Variants in PHACTR1 observed in about 807,000 individuals in gnomAD.
PHACTR1 encodes RPEL repeat containing 1.
In PHACTR1, 16 loss-of-function variants were observed where a neutral mutation model predicts 69.2. That is an observed-to-expected ratio of 0.23 (90% confidence interval 0.16 to 0.35). The LOEUF is 0.35. Among genes scored for constraint, PHACTR1 ranks in the 10% least tolerant of loss-of-function variants. The pLI is 1.00. For synonymous variants in PHACTR1, 312 were observed against 284.5 expected, an observed-to-expected ratio of 1.10 and a Z score of -0.97; for missense variants, 510 against 734.7, an observed-to-expected ratio of 0.69 and a Z score of 3.54.
At chr6:12,741,015 T>C (rs1764962119) in intron 3 of PHACTR1, among the ~76,000 whole-genome samples, 1 of 152,048 alleles carries the variant, frequency 6.6e-6, no homozygotes, top group African/African-American at 2.4e-5. Context: ...CCTGCTTTTA[T>C]CCTTATTAAC....
chr6:12,974,719 G>C (rs1051896221), intron 4 of PHACTR1, among the ~76,000 whole-genome samples: 4 of 152,166 alleles, frequency 2.6e-5, no homozygotes, highest in African/African-American at 2.4e-5. Flanking sequence ...TGGGTCTTGG[G>C]GTTTGGGGTT....
chr6:13,230,190 C>A lies in PHACTR1; in HGVS notation c.1388C>A (p.Thr463Asn). ...AGGCAACAGATTGGCACCAAGCTCA[C>A]CAGGTAGGACAGCGGCACCCTCTGC... ...ELRQQIGTKLTRRLSQRPTAE... is the reference protein window; with the variant it reads ...ELRQQIGTKLNRRLSQRPTAE... Residue 463 changes from threonine (T) to asparagine (N), a missense_variant, in exon 10 of 15, where the codon ACC (threonine) becomes AAC (asparagine). Coordinates refer to ENST00000332995, the MANE Select transcript of PHACTR1 (RefSeq NM_030948.6). 6.2e-7 allele frequency: 1 copy of A among 1,608,122 alleles called. No individual in the cohort carries two copies. Among genetic ancestry groups the A allele is most frequent in the Admixed American group, 1.7e-5 (1 of 59,352 alleles).
At chr6:12,848,122 G>A (rs532519319) in intron 4 of PHACTR1, among the ~76,000 whole-genome samples, 17 of 152,132 alleles carry the variant, frequency 1.1e-4, no homozygotes, top group Admixed American at 2.6e-4. Flanking sequence ...GCCATGCACC[G>A]AGATTTTCAT....
At chr6:13,234,795 G>T (rs1699114112) in intron 10 of PHACTR1, among the ~76,000 whole-genome samples, 1 of 152,184 alleles carries the variant, frequency 6.6e-6, no homozygotes, top group African/African-American at 2.4e-5. Context: ...TTGGAGACGT[G>T]TGGACTGCCC....
chr6:13,169,572 TAGG>T (rs1760298987), intron 6 of PHACTR1, among the ~76,000 whole-genome samples: 1 of 151,842 alleles, frequency 6.6e-6, no homozygotes, highest in Non-Finnish European at 1.5e-5. Flanking sequence ...GGTCAAAAAA[TAGG>T]AGGTCAACCA....
chr6:13,248,518 A>G (rs1040320364), intron 10 of PHACTR1, among the ~76,000 whole-genome samples: 12 of 152,212 alleles, frequency 7.9e-5, no homozygotes, highest in Admixed American at 3.3e-4. Flanking sequence ...CGTCATTTCT[A>G]TAAAATCTTT....
chr6:13,094,549 G>T (rs1340936398), intron 5 of PHACTR1, among the ~76,000 whole-genome samples: 2 of 151,438 alleles, frequency 1.3e-5, no homozygotes, highest in African/African-American at 4.9e-5. Flanking sequence ...TGCCTGCCTC[G>T]GCCTCCCAAA....
chr6:12,894,137 A>G (rs1284451139), intron 4 of PHACTR1, among the ~76,000 whole-genome samples: 2 of 152,256 alleles, frequency 1.3e-5, no homozygotes, highest in African/African-American at 4.8e-5. Context: ...CTTGCAAATC[A>G]TTAACTCATC....
At chr6:13,181,829 T>C (rs1762210902) in intron 6 of PHACTR1, among the ~76,000 whole-genome samples, 3 of 152,328 alleles carry the variant, frequency 2.0e-5, no homozygotes, top group African/African-American at 7.2e-5. Flanking sequence ...CTCCCTAAAG[T>C]AGGAATTCCC....
intron 5 of PHACTR1, among the ~76,000 whole-genome samples, chr6:13,139,340 G>C (rs978981740): frequency 7.9e-5 from 12 of 152,110 alleles, no homozygotes; most frequent in Non-Finnish European, 1.2e-4. Flanking sequence ...GATGAATTGA[G>C]TCATTTCCAC....
intron 4 of PHACTR1, among the ~76,000 whole-genome samples, chr6:13,019,840 G>A (rs1010358069): frequency 6.6e-6 from 1 of 152,094 alleles, no homozygotes; most frequent in East Asian, 1.9e-4. Context: ...CAATTTCTTC[G>A]GTTCACTAAC....
chr6:13,097,190 A>C (rs1213389833), intron 5 of PHACTR1, among the ~76,000 whole-genome samples: 1 of 152,214 alleles, frequency 6.6e-6, no homozygotes, highest in South Asian at 2.1e-4. Context: ...CTGGCATTCT[A>C]ACTAAGGAAT....
At chr6:13,109,978 G>A (rs1193150464) in intron 5 of PHACTR1, among the ~76,000 whole-genome samples, 1 of 151,784 alleles carries the variant, frequency 6.6e-6, no homozygotes, top group Admixed American at 6.6e-5. Flanking sequence ...TTTAGATACA[G>A]TATTTTTCAG....
chr6:13,274,901 A>G lies in PHACTR1; in HGVS notation c.1447+1986A>G, dbSNP rs1303392334. On this transcript the variant is annotated intron_variant, in intron 11 of 14. Transcript: ENST00000332995. ...CTTGACCAATTCTAACAGGTTGGTC[A>G]TTTCATAGTTTTGAAACTTTTCAGA... is the stretch of plus-strand genomic sequence containing the variant. 3 of 152,228 alleles carry G rather than the reference A, an allele frequency of 2.0e-5. No individual in the cohort carries two copies. In the East Asian group the frequency reaches 5.8e-4, roughly 29 times the overall value. 9.4% of individuals were successfully genotyped at this position (152,228 alleles called of 1,614,324 possible).
chr6:12,912,368 C>T (rs144579173), intron 4 of PHACTR1, among the ~76,000 whole-genome samples: 22 of 152,328 alleles, frequency 1.4e-4, no homozygotes, highest in African/African-American at 5.1e-4. Flanking sequence ...TAACACTAAT[C>T]AGAGGGCCTA....
At chr6:12,980,920 C>T (rs1562088101) in intron 4 of PHACTR1, among the ~76,000 whole-genome samples, 1 of 152,248 alleles carries the variant, frequency 6.6e-6, no homozygotes, top group Non-Finnish European at 1.5e-5. Flanking sequence ...CATAGCTCCG[C>T]CTACTCTTCC....
chr6:12,830,612 A>G (rs1561924638), intron 4 of PHACTR1, among the ~76,000 whole-genome samples: 1 of 151,866 alleles, frequency 6.6e-6, no homozygotes, highest in Admixed American at 6.6e-5. Context: ...TTTTTGAGAC[A>G]GAGTTTCACT....
chr6:12,828,720 G>C (rs1483828605), intron 4 of PHACTR1, among the ~76,000 whole-genome samples: 1 of 151,552 alleles, frequency 6.6e-6, no homozygotes, highest in South Asian at 2.1e-4. Flanking sequence ...AACAAAAACC[G>C]ACCAAAAAAT....
intron 6 of PHACTR1, among the ~76,000 whole-genome samples, chr6:13,170,157 A>G (rs759260308): frequency 4.6e-5 from 7 of 152,234 alleles, no homozygotes; most frequent in Non-Finnish European, 1.0e-4. Context: ...TCTTCTTGGT[A>G]TCTTGATGAC....
Sources: gnomAD v4.1 joint callset for allele counts (sites outside exome capture counted in the v4.1 genomes callset) on GRCh38, gnomAD v4.1.1 for gene constraint, MANE v1.5 for transcripts, NCBI Gene and HGNC (gene_info 2026-07-23, HGNC 2026-07-21) for gene names.